The following ELP3 variants were observed in gnomAD, a reference collection of about 807,000 sequenced individuals.
ELP3 encodes elongator acetyltransferase complex subunit 3, also known as elongator complex protein 3.
A neutral mutation model predicts 74.9 loss-of-function variants in ELP3; 56 were observed. The observed-to-expected ratio is 0.75, with a 90% CI of 0.60 to 0.93. ELP3 has a LOEUF of 0.93. Among genes scored for constraint, ELP3 ranks in the 40% least tolerant of loss-of-function variants. The pLI is 0.00. For synonymous variants in ELP3, 222 were observed against 239.8 expected, an observed-to-expected ratio of 0.93 and a Z score of 0.68; for missense variants, 573 against 686.5, an observed-to-expected ratio of 0.83 and a Z score of 1.85.
chr8:28,147,504 A>C lies in ELP3; in HGVS notation c.1101-8438A>C, dbSNP rs1813478310. Among the ~76,000 whole-genome samples, 1 of 152,246 alleles carries C rather than the reference A, an allele frequency of 6.6e-6. No homozygotes were observed. The highest frequency in any genetic ancestry group is 1.5e-5 in the Non-Finnish European group (1 of 68,036). ...CTGAAGGGATTTACAAACATTTAAA[A>C]GGTGAAAGCTGAAAAGAACACCAAC... On this transcript the variant is annotated intron_variant, in intron 10 of 14. Coordinates refer to ENST00000256398, the MANE Select transcript of ELP3 (RefSeq NM_018091.6). The surrounding 1 kb of genome is among the most constrained non-coding windows in gnomAD (Gnocchi z 4.5).
Position 28,189,905 on chromosome 8 carries a change from C to G in ELP3, c.*180C>G, listed in dbSNP as rs2290918. 38,891 of 587,944 alleles carry G rather than the reference C, an allele frequency of 0.066. 3,194 individuals are homozygous for G. The highest frequency in any genetic ancestry group is 0.32 in the East Asian group (11,186 of 34,706). 36.4% of individuals were successfully genotyped at this position (587,944 alleles called of 1,614,324 possible). ...CGGCTGGTCATCTGCTGACCACACC[C>G]CAGATCCGCCCTCTCCTGCGTGCAC... On this transcript the variant is annotated 3_prime_UTR_variant, in exon 15 of 15. Coordinates refer to ENST00000256398, the MANE Select transcript of ELP3 (RefSeq NM_018091.6).
chr8:28,099,249 TGGTTCTGCATAGCCATCC>T (rs1432420949), intron 2 of ELP3, among the ~76,000 whole-genome samples: 1 of 152,232 alleles, frequency 6.6e-6, no homozygotes, highest in Non-Finnish European at 1.5e-5. Flanking sequence ...ATTTCCTATT[TGGTTCTGCATAGCCATCC>T]TTGATTTTTT....
intron 14 of ELP3, chr8:28,183,319 ATATTTATCC>A: frequency 2.3e-6 from 1 of 442,062 alleles, no homozygotes. Flanking sequence ...GGAAGATAAA[ATATTTATCC>A]TGCCTACAGA....
chr8:28,099,449 G>T (rs1055344930), intron 2 of ELP3, among the ~76,000 whole-genome samples: 2 of 152,110 alleles, frequency 1.3e-5, no homozygotes, highest in South Asian at 2.1e-4. Flanking sequence ...CCCTCAATTC[G>T]CTGGCCACCT....
intron 10 of ELP3, among the ~76,000 whole-genome samples, chr8:28,139,444 A>T (rs1286479989): frequency 5.9e-5 from 9 of 152,178 alleles, no homozygotes; most frequent in Non-Finnish European, 1.5e-5. Flanking sequence ...TGTAAATGTA[A>T]TGAATAACAA....
At chr8:28,096,580 G>GTGGA (rs1016454561) in intron 1 of ELP3, among the ~76,000 whole-genome samples, 5 of 152,240 alleles carry the variant, frequency 3.3e-5, no homozygotes, top group African/African-American at 1.2e-4. Context: ...CTGTGCTTGA[G>GTGGA]TGGATGGCGT....
intron 14 of ELP3, among the ~76,000 whole-genome samples, chr8:28,163,122 A>G (rs1814167857): frequency 6.6e-6 from 1 of 152,194 alleles, no homozygotes; most frequent in African/African-American, 2.4e-5. Flanking sequence ...CATGAAAAGG[A>G]AAATTCAGTA....
chr8:28,131,437 A>C (rs1175331125), intron 8 of ELP3, among the ~76,000 whole-genome samples: 1 of 152,228 alleles, frequency 6.6e-6, no homozygotes, highest in Non-Finnish European at 1.5e-5. Context: ...TTTGGAATTC[A>C]TGAGAGAGGC....
At chr8:28,112,272 T>G (rs562690736) in intron 6 of ELP3, among the ~76,000 whole-genome samples, 1 of 152,096 alleles carries the variant, frequency 6.6e-6, no homozygotes, top group African/African-American at 2.4e-5. Flanking sequence ...GCCTCCAGAG[T>G]AGCTGGGATT....
chr8:28,162,097 A>C lies in ELP3; in HGVS notation c.1567+19A>C, dbSNP rs760300340. The C allele has an allele frequency of 6.2e-7, 1 of 1,612,904 alleles. No homozygotes were observed. Among genetic ancestry groups the C allele is most frequent in the Admixed American group, 1.7e-5 (1 of 60,024 alleles). On this transcript the variant is annotated intron_variant, in intron 14 of 14. Coordinates refer to ENST00000256398, the MANE Select transcript of ELP3 (RefSeq NM_018091.6). ...ATATCAGGTAACTGGGGGAGGGCGA[A>C]GTTCATGATTCCTTCCCATTTTGAA...
chr8:28,189,174 T>G lies in ELP3; in HGVS notation c.1568-475T>G, dbSNP rs77157860. 4.3e-4 allele frequency among the ~76,000 whole-genome samples: 65 copies of G among 152,362 alleles called. 2 individuals carry two copies. In the East Asian group the frequency reaches 0.01, roughly 24 times the overall value. On this transcript the variant is annotated intron_variant, in intron 14 of 14. Transcript: ENST00000256398. Reference sequence around the variant, plus strand: ...GTAGCCACAAGTGTACCTTCGCTACTGGGGCTGAGTGGAGATCCCATTTTT... The same window carrying G: ...GTAGCCACAAGTGTACCTTCGCTACGGGGGCTGAGTGGAGATCCCATTTTT...
At position 28,121,128 on chromosome 8, in the gene ELP3, A is replaced by G. The variant is rs557042800; in HGVS notation, c.617+7955A>G. Among the ~76,000 whole-genome samples the G allele has an allele frequency of 5.3e-5, 8 of 152,264 alleles. No homozygotes were observed. The South Asian group carries it at 1.7e-3, about 32-fold the overall frequency. ...ATAGAACAAATGGAAAGAATTGACAATTTATTGCTTCTTGCAATTCATGAA... is the reference window on the plus strand; with the variant it reads ...ATAGAACAAATGGAAAGAATTGACAGTTTATTGCTTCTTGCAATTCATGAA... On this transcript the variant is annotated intron_variant, in intron 7 of 14. Coordinates refer to ENST00000256398, the MANE Select transcript of ELP3 (RefSeq NM_018091.6).
intron 10 of ELP3, among the ~76,000 whole-genome samples, chr8:28,145,561 T>C (rs1019741251): frequency 5.9e-5 from 9 of 152,198 alleles, no homozygotes; most frequent in Non-Finnish European, 2.9e-5. Context: ...TTCCACCAAT[T>C]ATAGGCAACA....
In ELP3 at chr8:28,161,601, G is replaced by A. The variant is rs141050953; in HGVS notation, c.1486-396G>A. Among the ~76,000 whole-genome samples the A allele has an allele frequency of 8.1e-4, 112 of 138,266 alleles. 1 individual carries two copies. The East Asian group carries it at 0.018, about 23-fold the overall frequency. 90.7% of individuals were successfully genotyped at this position (138,266 alleles called of 152,430 possible). A position where few individuals can be genotyped will look rare whatever the true frequency, so the allele number is the denominator to read the frequency against. On this transcript the variant is annotated intron_variant, in intron 13 of 14. Coordinates refer to ENST00000256398, the MANE Select transcript of ELP3 (RefSeq NM_018091.6). ...AGCCTGGACAACAGAGGGAGATTCC[G>A]TCTCAAGAGAAAAAAAAAAAAAAAA...
At chr8:28,101,301 T>C (rs911339613) in intron 3 of ELP3, among the ~76,000 whole-genome samples, 2 of 150,604 alleles carry the variant, frequency 1.3e-5, no homozygotes, top group African/African-American at 4.9e-5. Flanking sequence ...GGGCCTGTAG[T>C]CCCAGCTACT....
intron 10 of ELP3, among the ~76,000 whole-genome samples, chr8:28,145,130 C>G (rs1427841205): frequency 1.3e-5 from 2 of 152,156 alleles, no homozygotes; most frequent in Non-Finnish European, 2.9e-5. Flanking sequence ...TAATTGCTAA[C>G]TTAAACATTA....
chr8:28,155,155 C>T (rs1199043664), intron 10 of ELP3, among the ~76,000 whole-genome samples: 1 of 152,182 alleles, frequency 6.6e-6, no homozygotes, highest in African/African-American at 2.4e-5. Flanking sequence ...TTCCTCTGAT[C>T]AACCACATAG....
intron 2 of ELP3, among the ~76,000 whole-genome samples, chr8:28,098,708 T>A (rs562790636): frequency 6.6e-6 from 1 of 152,360 alleles, no homozygotes; most frequent in East Asian, 1.9e-4. Context: ...TACCTTTACA[T>A]TGAAAATCTT....
Position 28,093,222 on chromosome 8 carries a change from A to C in ELP3, c.8A>C (p.Gln3Pro). Residue 3 changes from glutamine to proline, a missense_variant, in exon 1 of 15, where the codon CAG becomes CCG. Gln to Pro is a moderately conservative substitution (Grantham distance 76, BLOSUM62 -1). Transcript: ENST00000256398. MR[Q>P]KRKGDLSPAE... is the part of the protein sequence containing the mutation. Reference sequence around the variant, plus strand: ...TGCTACGGCGGCGCAGAAATGAGGCAGAAGCGGAAAGGTGCGAAAGGGGAA... The same window carrying C: ...TGCTACGGCGGCGCAGAAATGAGGCCGAAGCGGAAAGGTGCGAAAGGGGAA... 1 of 1,613,292 alleles carries C rather than the reference A, an allele frequency of 6.2e-7. No individual in the cohort carries two copies. The highest frequency in any genetic ancestry group is 8.5e-7 in the Non-Finnish European group (1 of 1,179,912).
Sources: allele counts gnomAD v4.1 joint callset (sites outside exome capture counted in the v4.1 genomes callset), GRCh38; gene constraint gnomAD v4.1.1; non-coding constraint Gnocchi (gnomAD v3.1); transcripts MANE v1.5; gene names NCBI Gene and HGNC (gene_info 2026-07-23, HGNC 2026-07-21).